The following IARS2 variants were observed in gnomAD, a reference collection of about 807,000 sequenced individuals.
IARS2 encodes the protein isoleucyl-tRNA synthetase 2, mitochondrial.
In IARS2, 56 loss-of-function variants were observed where a neutral mutation model predicts 126.3. The observed-to-expected ratio is 0.44, with a 90% CI of 0.36 to 0.55. IARS2 has a LOEUF of 0.55. Ranked by LOEUF, IARS2 falls within the 20% of genes least tolerant of loss-of-function variation. The pLI, the probability that IARS2 is intolerant of heterozygous loss-of-function variation, is 0.00. For synonymous variants in IARS2, 407 were observed against 441.1 expected, an observed-to-expected ratio of 0.92 and a Z score of 0.97; for missense variants, 1,127 against 1,245.9, an observed-to-expected ratio of 0.90 and a Z score of 1.44.
At chr1:220,105,441 A>G (rs141124858) in intron 8 of IARS2, among the ~76,000 whole-genome samples, 137 of 152,318 alleles carry the variant, frequency 9.0e-4, no homozygotes, top group African/African-American at 2.5e-3. Context: ...GTGGAGGAGT[A>G]TATATATTAT....
Position 220,126,855 on chromosome 1 carries a change from A to G in IARS2, c.1837+12A>G, listed in dbSNP as rs751847428. On this transcript the variant is annotated intron_variant, in intron 14 of 22. Transcript: ENST00000366922. The stretch of plus-strand genomic sequence containing the variant: ...TTATGTTCTTCCAGGTAATTCTTAA[A>G]AATAGATATATGCCGATCAAGAAGT... The G allele has an allele frequency of 3.8e-6, 6 of 1,564,520 alleles. No homozygotes were observed. The highest frequency in any genetic ancestry group is 4.4e-6 in the Non-Finnish European group (5 of 1,142,250).
chr1:220,140,494 G>A (rs917765630), intron 19 of IARS2, among the ~76,000 whole-genome samples: 7 of 152,174 alleles, frequency 4.6e-5, no homozygotes, highest in African/African-American at 9.7e-5. Flanking sequence ...CACGAGAATC[G>A]CTTGAACTTG....
intron 13 of IARS2, 108 bp from the exon 14 acceptor site, chr1:220,126,642 G>A: frequency 1.3e-6 from 1 of 776,248 alleles, no homozygotes; most frequent in Non-Finnish European, 2.2e-6. Flanking sequence ...ATCTAAAAAT[G>A]TGAACTTCAT....
At chr1:220,141,668 T>C (rs990697478) in intron 19 of IARS2, 135 bp from the exon 20 acceptor site, 6 of 862,896 alleles carry the variant, frequency 7.0e-6, no homozygotes, top group Admixed American at 4.6e-5. Flanking sequence ...GAGAGTGTAT[T>C]GTATTCTTTA....
chr1:220,137,763 T>G, intron 16 of IARS2, 155 bp from the exon 17 acceptor site: 1 of 741,718 alleles, frequency 1.3e-6, no homozygotes, highest in Non-Finnish European at 2.1e-6. Context: ...ACAGTCTAAT[T>G]TGAGATTGTT....
rs1473808607 is a variant in IARS2 at position 220,100,474 on chromosome 1, C to A, written c.391-16C>A. The stretch of plus-strand genomic sequence containing the variant: ...TATTTTATGTATGAATGATAATTAT[C>A]ATTTTATCTTTGCAGATTTTGAAAG... On this transcript the variant is annotated splice_polypyrimidine_tract_variant and intron_variant, in intron 2 of 22. Transcript: ENST00000366922. The A allele has an allele frequency of 1.3e-6, 2 of 1,577,502 alleles. No homozygotes were observed. The highest frequency in any genetic ancestry group is 2.7e-5 in the African/African-American group (2 of 73,772).
rs1656394383 is a variant in IARS2 at position 220,094,461 on chromosome 1, A to G, written c.245A>G (p.Asp82Gly). 1 of 1,609,486 alleles carries G rather than the reference A, an allele frequency of 6.2e-7. No homozygotes were observed. Among genetic ancestry groups the G allele is most frequent in the Non-Finnish European group, 8.5e-7 (1 of 1,178,410 alleles). ...PMKLLGRQQP[D>G]TELEIQQKCG... ...AAGCTGCTGGGCCGCCAGCAGCCGG[A>G]CACGGAGCTGGAGATCCAGCAGGTA... is the stretch of plus-strand genomic sequence containing the variant. The change falls in exon 1 of 23, where the codon GAC becomes GGC. Residue 82 changes from aspartate to glycine, a missense_variant. Coordinates refer to ENST00000366922, the MANE Select transcript of IARS2 (RefSeq NM_018060.4).
intron 19 of IARS2, among the ~76,000 whole-genome samples, chr1:220,141,020 A>G (rs1282584473): frequency 6.6e-6 from 1 of 151,578 alleles, no homozygotes; most frequent in Middle Eastern, 3.5e-3. Context: ...TTCCGGAGTC[A>G]AGTCTGAGTA....
chr1:220,117,264 T>C (rs1656935123), intron 12 of IARS2, among the ~76,000 whole-genome samples: 1 of 140,010 alleles, frequency 7.1e-6, no homozygotes, highest in African/African-American at 2.6e-5. Context: ...CGATCTCAGC[T>C]CACTGCAATC....
intron 9 of IARS2, 93 bp downstream of exon 9, chr1:220,106,153 C>CAAAAGTCATCA: frequency 2.8e-6 from 3 of 1,076,044 alleles, no homozygotes; most frequent in Non-Finnish European, 4.0e-6. Context: ...AAAATGATGA[C>CAAAAGTCATCA]TTTTGTCATC....
chr1:220,115,117 G>A (rs142393004), intron 12 of IARS2, among the ~76,000 whole-genome samples: 140 of 152,166 alleles, frequency 9.2e-4, no homozygotes, highest in African/African-American at 2.6e-3. Context: ...GAATTCTTCT[G>A]TCAGCACATA....
chr1:220,145,526 G>T lies in IARS2; in HGVS notation c.2769G>T (p.Glu923Asp), dbSNP rs761554647. ...FEIIEMLQSEETSSTSQLNEL... is the reference protein window; with the variant it reads ...FEIIEMLQSEDTSSTSQLNEL... ...CCTTCCAGATGCTGCAGTCTGAAGAGACTTCCAGCACCTCTCAGTTGAATG... is the reference window on the plus strand; with the variant it reads ...CCTTCCAGATGCTGCAGTCTGAAGATACTTCCAGCACCTCTCAGTTGAATG... Residue 923 changes from glutamate to aspartate, a missense_variant, in exon 22 of 23, where the codon GAG becomes GAT. Glu to Asp is a conservative substitution (Grantham distance 45). Transcript: ENST00000366922. 1 of 1,611,764 alleles carries T rather than the reference G, an allele frequency of 6.2e-7. No individual in the cohort carries two copies.
intron 14 of IARS2, among the ~76,000 whole-genome samples, chr1:220,131,932 C>T (rs749861413): frequency 8.6e-5 from 13 of 151,320 alleles, no homozygotes; most frequent in South Asian, 4.2e-4. Flanking sequence ...CGAGTAGCTG[C>T]GACTACAGGC....
chr1:220,147,458 C>G, intron 22 of IARS2, 35 bp from the exon 23 acceptor site: 1 of 1,605,280 alleles, frequency 6.2e-7, no homozygotes, highest in East Asian at 2.2e-5. Flanking sequence ...AAGTTGAATG[C>G]CTATCAGAAA....
At chr1:220,146,517 CAAAAA>C (rs1186000971) in intron 22 of IARS2, among the ~76,000 whole-genome samples, 2 of 62,068 alleles carry the variant, frequency 3.2e-5, no homozygotes, top group African/African-American at 1.1e-4. Flanking sequence ...GACTCCGTCT[CAAAAA>C]AAAAAAAAAA....
At chr1:220,112,849 G>T (rs1656839343) in intron 11 of IARS2, among the ~76,000 whole-genome samples, 1 of 151,174 alleles carries the variant, frequency 6.6e-6, no homozygotes, top group South Asian at 2.1e-4. Context: ...GTCAGCCAAA[G>T]ATAAACTCTG....
At chr1:220,134,197 A>G (rs1657321711) in intron 14 of IARS2, among the ~76,000 whole-genome samples, 1 of 152,208 alleles carries the variant, frequency 6.6e-6, no homozygotes, top group Non-Finnish European at 1.5e-5. Flanking sequence ...TCATTTCAGA[A>G]GTCACGTGAT....
At chr1:220,114,532 A>G in intron 12 of IARS2, 58 bp downstream of exon 12, 2 of 1,355,774 alleles carry the variant, frequency 1.5e-6, no homozygotes, top group Non-Finnish European at 2.1e-6. Flanking sequence ...TTCTTCAAAA[A>G]TTGAAAAATA....
chr1:220,134,403 T>C lies in IARS2; in HGVS notation c.1839T>C (p.Gly613=). ...SGTSWSYVLP[G]PDQRADLYLE... ...TTTCTTTTAATACTTAATTTTGAGG[T>C]CCTGACCAAAGAGCAGATTTGTACT... Residue 613 remains glycine, a splice_region_variant and synonymous_variant, in exon 15 of 23, where the codon GGT becomes GGC. Coordinates refer to ENST00000366922, the MANE Select transcript of IARS2 (RefSeq NM_018060.4). 6.3e-7 allele frequency: 1 copy of C among 1,591,104 alleles called. No individual in the cohort carries two copies. Among genetic ancestry groups the C allele is most frequent in the Non-Finnish European group, 8.5e-7 (1 of 1,171,142 alleles).
Sources: allele counts gnomAD v4.1 joint callset (sites outside exome capture counted in the v4.1 genomes callset), GRCh38; gene constraint gnomAD v4.1.1; transcripts MANE v1.5; gene names NCBI Gene and HGNC (gene_info 2026-07-23, HGNC 2026-07-21).